Variants in CALCR observed in about 807,000 individuals in gnomAD.
CALCR encodes the protein calcitonin receptor.
CALCR carries 47 observed loss-of-function variants against 59.5 expected under a neutral mutation model. The ratio of observed to expected loss-of-function variants is 0.79; its 90% CI spans 0.63 to 1.01. CALCR has a LOEUF of 1.01. Ranked by LOEUF, CALCR falls within the 50% of genes least tolerant of loss-of-function variation. The pLI is 0.00. For missense variants in CALCR, 566 were observed against 597.1 expected (o/e 0.95, Z 0.54); for synonymous variants, 213 against 211.3 (o/e 1.01, Z -0.07).
intron 2 of CALCR, among the ~76,000 whole-genome samples, chr7:93,567,631 A>C (rs1391536566): frequency 6.6e-6 from 1 of 152,062 alleles, no homozygotes; most frequent in Non-Finnish European, 1.5e-5. Context: ...TACATGTGCC[A>C]TGTTGGTTTG....
chr7:93,542,094 A>C (rs2116187429), intron 2 of CALCR, among the ~76,000 whole-genome samples: 1 of 152,334 alleles, frequency 6.6e-6, no homozygotes, highest in Non-Finnish European at 1.5e-5. Context: ...TTTTCTATGA[A>C]TACAAATATA....
chr7:93,438,764 T>G (rs904780338), intron 9 of CALCR, among the ~76,000 whole-genome samples: 5 of 152,180 alleles, frequency 3.3e-5, no homozygotes, highest in South Asian at 2.1e-4. Flanking sequence ...TCTGTTTATA[T>G]CTCATGCAGT....
intron 2 of CALCR, among the ~76,000 whole-genome samples, chr7:93,498,389 G>GT (rs1204115429): frequency 6.6e-6 from 1 of 151,574 alleles, no homozygotes; most frequent in African/African-American, 2.4e-5. Context: ...GTTCAGAATT[G>GT]TGCCATTACC....
intron 2 of CALCR, among the ~76,000 whole-genome samples, chr7:93,492,455 G>A (rs1231246882): frequency 1.3e-5 from 2 of 151,208 alleles, no homozygotes; most frequent in African/African-American, 2.4e-5. Context: ...ATTCTATTCA[G>A]TTTACCTATT....
intron 2 of CALCR, among the ~76,000 whole-genome samples, chr7:93,569,024 T>C (rs1038628148): frequency 2.0e-5 from 3 of 152,124 alleles, no homozygotes; most frequent in Non-Finnish European, 4.4e-5. Context: ...TCATCTCACC[T>C]CTAATTTCTA....
intron 9 of CALCR, among the ~76,000 whole-genome samples, chr7:93,441,209 A>G (rs2115717836): frequency 6.6e-6 from 1 of 152,278 alleles, no homozygotes; most frequent in South Asian, 2.1e-4. Context: ...TTCCCATGAA[A>G]AATTTTCTGA....
At chr7:93,481,291 G>A (rs1475789150) in intron 3 of CALCR, among the ~76,000 whole-genome samples, 1 of 151,772 alleles carries the variant, frequency 6.6e-6, no homozygotes, top group Non-Finnish European at 1.5e-5. Context: ...TAAAATTCAT[G>A]CAGCAGGCAT....
chr7:93,554,138 G>A (rs1350095169), intron 2 of CALCR, among the ~76,000 whole-genome samples: 3 of 152,138 alleles, frequency 2.0e-5, no homozygotes, highest in Non-Finnish European at 2.9e-5. Flanking sequence ...ACATTTTCAC[G>A]TGGATTTGTC....
chr7:93,451,832 T>C (rs756361149), intron 8 of CALCR, among the ~76,000 whole-genome samples: 2 of 151,994 alleles, frequency 1.3e-5, no homozygotes, highest in Non-Finnish European at 2.9e-5. Context: ...TGGAATACCA[T>C]GCAGACATAA....
intron 8 of CALCR, among the ~76,000 whole-genome samples, chr7:93,447,830 A>G (rs1045690588): frequency 6.6e-6 from 1 of 151,988 alleles, no homozygotes; most frequent in Non-Finnish European, 1.5e-5. Context: ...TAAAATGCCA[A>G]TACCTCAGGA....
chr7:93,567,257 TAAAAC>T (rs1351559468), intron 2 of CALCR, among the ~76,000 whole-genome samples: 1 of 152,170 alleles, frequency 6.6e-6, no homozygotes, highest in African/African-American at 2.4e-5. Flanking sequence ...GTTGATAACT[TAAAAC>T]AAGAAAACTT....
intron 13 of CALCR, among the ~76,000 whole-genome samples, chr7:93,428,959 A>G (rs1294482813): frequency 6.6e-6 from 1 of 152,164 alleles, no homozygotes; most frequent in African/African-American, 2.4e-5. Context: ...GAGGTCTTTT[A>G]TTTCTCACCT....
intron 2 of CALCR, among the ~76,000 whole-genome samples, chr7:93,564,615 G>A (rs1321499872): frequency 6.6e-6 from 1 of 151,992 alleles, no homozygotes; most frequent in African/African-American, 2.4e-5. Flanking sequence ...ACTACCCTCA[G>A]CTAATTTTTT....
At chr7:93,436,279 T>A in intron 11 of CALCR, 109 bp from the exon 12 acceptor site, 1 of 860,410 alleles carries the variant, frequency 1.2e-6, no homozygotes. Context: ...GTTACCTACA[T>A]AGAACATGAG....
At chr7:93,522,998 A>G (rs1801796486) in intron 2 of CALCR, among the ~76,000 whole-genome samples, 1 of 152,168 alleles carries the variant, frequency 6.6e-6, no homozygotes. Context: ...CTACTACTAC[A>G]TTATTAAAGT....
At chr7:93,492,736 G>A (rs1353053617) in intron 2 of CALCR, among the ~76,000 whole-genome samples, 2 of 151,208 alleles carry the variant, frequency 1.3e-5, no homozygotes, top group Non-Finnish European at 3.0e-5. Context: ...TGGGTGAAAG[G>A]TTCAATGAAA....
intron 2 of CALCR, among the ~76,000 whole-genome samples, chr7:93,499,400 C>G (rs114436282): frequency 5.3e-5 from 8 of 151,714 alleles, no homozygotes; most frequent in African/African-American, 1.9e-4. Flanking sequence ...AATTCTGCAA[C>G]CATGGATCCT....
intron 2 of CALCR, among the ~76,000 whole-genome samples, chr7:93,512,391 A>G (rs1240978568): frequency 6.6e-6 from 1 of 152,184 alleles, no homozygotes; most frequent in Non-Finnish European, 1.5e-5. Context: ...TTCAAACCCA[A>G]GTCTTTCTGA....
intron 9 of CALCR, among the ~76,000 whole-genome samples, chr7:93,441,173 G>A (rs558833887): frequency 2.0e-5 from 3 of 152,170 alleles, no homozygotes; most frequent in African/African-American, 4.8e-5. Context: ...GAATGTCACC[G>A]ACAAGAATAC....
Sources: allele counts gnomAD v4.1 joint callset (sites outside exome capture counted in the v4.1 genomes callset), GRCh38; gene constraint gnomAD v4.1.1; transcripts MANE v1.5; gene names NCBI Gene and HGNC (gene_info 2026-07-23, HGNC 2026-07-21).